Variants in CATSPERE observed in about 807,000 individuals in gnomAD.
The protein encoded by CATSPERE is cation channel sperm-associated auxiliary subunit epsilon.
Under a neutral mutation model 114.1 loss-of-function variants are expected in CATSPERE, and 93 were observed. That is an observed-to-expected ratio of 0.81 (90% confidence interval 0.69 to 0.97). CATSPERE has a LOEUF of 0.97. Among genes scored for constraint, CATSPERE ranks in the 50% least tolerant of loss-of-function variants. CATSPERE has a pLI of 0.00. For synonymous variants in CATSPERE, 341 were observed against 384.1 expected (o/e 0.89, Z 1.31); for missense variants, 1,058 against 1,131.6 (o/e 0.93, Z 0.93).
chr1:244,566,771 GCACAC>G (rs1663627249), intron 10 of CATSPERE, among the ~76,000 whole-genome samples: 1 of 145,476 alleles, frequency 6.9e-6, no homozygotes, highest in African/African-American at 2.5e-5. Flanking sequence ...CTTGCATACA[GCACAC>G]CAATGGGTCT....
intron 9 of CATSPERE, among the ~76,000 whole-genome samples, chr1:244,558,343 T>A (rs1022805989): frequency 1.3e-5 from 2 of 152,036 alleles, no homozygotes; most frequent in Non-Finnish European, 2.9e-5. Context: ...AGAGATGGGG[T>A]TTTGCCATGT....
chr1:244,529,808 G>A lies in CATSPERE; in HGVS notation c.536+11110G>A, dbSNP rs182543081. 3.3e-3 allele frequency among the ~76,000 whole-genome samples: 505 copies of A among 152,254 alleles called. 6 individuals are homozygous for A. The highest frequency in any genetic ancestry group is 0.014 in the Middle Eastern group (4 of 294). On this transcript the variant is annotated intron_variant, in intron 8 of 21. Coordinates refer to ENST00000366534, the MANE Select transcript of CATSPERE (RefSeq NM_001130957.2). ...TCTTTGCCCACTCCAATGTTCTGGA[G>A]AGTTTCCTAAATGTTTTCTTTTAGT...
At chr1:244,580,254 T>C (rs1162833288) in intron 11 of CATSPERE, among the ~76,000 whole-genome samples, 1 of 148,732 alleles carries the variant, frequency 6.7e-6, no homozygotes, top group Admixed American at 6.8e-5. Context: ...GGTTTCACCA[T>C]GTTGGCCAAG....
chr1:244,528,356 G>A (rs554500815), intron 8 of CATSPERE, among the ~76,000 whole-genome samples: 61 of 152,274 alleles, frequency 4.0e-4, no homozygotes, highest in African/African-American at 1.3e-3. Context: ...CAGTATGAAT[G>A]AATCTCACAA....
intron 8 of CATSPERE, among the ~76,000 whole-genome samples, chr1:244,549,834 G>T (rs982177890): frequency 5.9e-5 from 9 of 152,192 alleles, no homozygotes; most frequent in African/African-American, 2.2e-4. Flanking sequence ...GGGTGTGTCT[G>T]TGAGAGTATT....
At chr1:244,635,880 T>C (rs1182450932) in intron 21 of CATSPERE, among the ~76,000 whole-genome samples, 1 of 152,136 alleles carries the variant, frequency 6.6e-6, no homozygotes, top group African/African-American at 2.4e-5. Context: ...CTGCCCCCTA[T>C]ATGACATCCT....
chr1:244,499,177 G>A (rs1353667226), intron 7 of CATSPERE, 98 bp downstream of exon 7: 2 of 840,786 alleles, frequency 2.4e-6, no homozygotes, highest in African/African-American at 3.4e-5. Flanking sequence ...AGGATTTTAA[G>A]CTGCCCACAC....
At chr1:244,632,543 A>C (rs1481835351) in intron 20 of CATSPERE, among the ~76,000 whole-genome samples, 1 of 152,058 alleles carries the variant, frequency 6.6e-6, no homozygotes, top group African/African-American at 2.4e-5. Flanking sequence ...TCTTATACTT[A>C]AGAATGGTAT....
At chr1:244,462,109 G>A (rs1666916223) in intron 1 of CATSPERE, among the ~76,000 whole-genome samples, 1 of 152,132 alleles carries the variant, frequency 6.6e-6, no homozygotes, top group Non-Finnish European at 1.5e-5. Flanking sequence ...TGAGCTCTGA[G>A]CCATGAGCTA....
chr1:244,490,850 C>T (rs988846146), intron 6 of CATSPERE, among the ~76,000 whole-genome samples: 4 of 151,722 alleles, frequency 2.6e-5, no homozygotes, highest in Non-Finnish European at 4.4e-5. Flanking sequence ...CATAAAAATA[C>T]GTTAATTAAC....
chr1:244,510,776 A>G (rs890782951), intron 7 of CATSPERE, among the ~76,000 whole-genome samples: 3 of 123,484 alleles, frequency 2.4e-5, no homozygotes, highest in South Asian at 2.6e-4. Context: ...TTTGCTTTAT[A>G]TATCTGGGTG....
At chr1:244,547,079 CAAGAG>C (rs1321595724) in intron 8 of CATSPERE, among the ~76,000 whole-genome samples, 1 of 152,018 alleles carries the variant, frequency 6.6e-6, no homozygotes, top group Non-Finnish European at 1.5e-5. Context: ...CTGAAAGCAA[CAAGAG>C]AAAAGAAGCA....
At chr1:244,570,961 T>C (rs933096782) in intron 10 of CATSPERE, among the ~76,000 whole-genome samples, 3 of 152,062 alleles carry the variant, frequency 2.0e-5, no homozygotes, top group African/African-American at 7.2e-5. Flanking sequence ...AGGCAAAAAA[T>C]GGCAAGAGAC....
chr1:244,526,012 G>A (rs1678530754), intron 8 of CATSPERE, among the ~76,000 whole-genome samples: 1 of 152,192 alleles, frequency 6.6e-6, no homozygotes, highest in Non-Finnish European at 1.5e-5. Context: ...TCACAAGATG[G>A]CTGCTGAAGC....
intron 5 of CATSPERE, 22 bp downstream of exon 5, chr1:244,479,806 A>G: frequency 1.5e-6 from 2 of 1,341,780 alleles, no homozygotes; most frequent in African/African-American, 2.9e-5. Context: ...AGTACTGAAT[A>G]GGTAATTATG....
At chr1:244,566,681 T>TTTTTTTG (rs1663597206) in intron 10 of CATSPERE, among the ~76,000 whole-genome samples, 2 of 127,300 alleles carry the variant, frequency 1.6e-5, no homozygotes, top group African/African-American at 3.0e-5. Flanking sequence ...TTTTTTTTTT[T>TTTTTTTG]TTTTTTGCTT....
chr1:244,495,686 A>G lies in CATSPERE; in HGVS notation c.352-3316A>G, dbSNP rs1672971378. 1.3e-5 allele frequency among the ~76,000 whole-genome samples: 2 copies of G among 152,188 alleles called. 1 individual carries two copies. Among genetic ancestry groups the G allele is most frequent in the South Asian group, 4.1e-4 (2 of 4,832 alleles). ...CAGTGAGCCGAGATTGCGCCACTGC[A>G]TTCCCGCCTGGCGACAGAGCGAGAC... On this transcript the variant is annotated intron_variant, in intron 6 of 21. Coordinates refer to ENST00000366534, the MANE Select transcript of CATSPERE (RefSeq NM_001130957.2).
chr1:244,619,280 G>A (rs1331959323), intron 20 of CATSPERE, among the ~76,000 whole-genome samples: 2 of 152,172 alleles, frequency 1.3e-5, no homozygotes, highest in Admixed American at 6.5e-5. Context: ...GACACCCACT[G>A]TTAAGGAATT....
At chr1:244,634,990 G>C (rs566761257) in intron 20 of CATSPERE, among the ~76,000 whole-genome samples, 78 of 152,234 alleles carry the variant, frequency 5.1e-4, no homozygotes, top group African/African-American at 1.8e-3. Context: ...GACTACAGGT[G>C]CCCACCACCA....
Sources: gnomAD v4.1 joint callset for allele counts (sites outside exome capture counted in the v4.1 genomes callset) on GRCh38, gnomAD v4.1.1 for gene constraint, MANE v1.5 for transcripts, NCBI Gene and HGNC (gene_info 2026-07-23, HGNC 2026-07-21) for gene names.